Variants in SPAG16 observed in about 807,000 individuals in gnomAD.
SPAG16 encodes sperm-associated antigen 16 protein.
SPAG16 carries 86 observed loss-of-function variants against 80.4 expected under a neutral mutation model. That is an observed-to-expected ratio of 1.07 (90% CI 0.90 to 1.28). The LOEUF (loss-of-function observed/expected upper bound fraction) is 1.28, where lower values mean the gene tolerates loss of function less well. Ranked by LOEUF, SPAG16 falls within the 50% of genes most tolerant of loss-of-function variation. The probability of loss-of-function intolerance (pLI) is 0.00; values close to 1 mark genes in which losing one functional copy is unlikely to be tolerated. For synonymous variants in SPAG16, 294 were observed against 265.9 expected, an observed-to-expected ratio of 1.11 and a Z score of -1.03; for missense variants, 870 against 765.3, an observed-to-expected ratio of 1.14 and a Z score of -1.61.
intron 10 of SPAG16, among the ~76,000 whole-genome samples, chr2:213,648,732 A>G (rs911848836): frequency 6.6e-6 from 1 of 152,150 alleles, no homozygotes; most frequent in Non-Finnish European, 1.5e-5. Context: ...TAAACCCACA[A>G]ACTATAAGCA....
intron 9 of SPAG16, among the ~76,000 whole-genome samples, chr2:213,488,652 T>A (rs755823254): frequency 4.6e-5 from 7 of 152,036 alleles, no homozygotes; most frequent in Non-Finnish European, 7.4e-5. Flanking sequence ...TGGAAAAAAA[T>A]TAAGTAATTA....
At chr2:213,974,150 T>C (rs192960409) in intron 12 of SPAG16, among the ~76,000 whole-genome samples, 10 of 152,208 alleles carry the variant, frequency 6.6e-5, no homozygotes, top group Non-Finnish European at 1.5e-4. Context: ...TTGTAGAGTT[T>C]TGGTGGAAGA....
Position 214,297,033 on chromosome 2 carries a change from A to G in SPAG16, c.1721-113107A>G, listed in dbSNP as rs1576709381. Among the ~76,000 whole-genome samples the G allele has an allele frequency of 1.3e-5, 2 of 152,292 alleles. 1 individual carries two copies. Among genetic ancestry groups the G allele is most frequent in the East Asian group, 3.9e-4 (2 of 5,184 alleles). On this transcript the variant is annotated intron_variant, in intron 15 of 15. Transcript: ENST00000331683. ...CTCACCAGAAGCAGATGCCAGCACT[A>G]TGGTTCATGTATACCCAGCAGAACC...
chr2:213,866,545 T>C (rs181720189), intron 11 of SPAG16, among the ~76,000 whole-genome samples: 12 of 146,218 alleles, frequency 8.2e-5, no homozygotes, highest in Non-Finnish European at 1.5e-4. Context: ...TATTGTTAGG[T>C]CCCATGTGTT....
chr2:213,930,307 A>G (rs1033563873), intron 12 of SPAG16, among the ~76,000 whole-genome samples, 162 bp downstream of exon 12: 3 of 152,184 alleles, frequency 2.0e-5, no homozygotes, highest in Non-Finnish European at 2.9e-5. Flanking sequence ...AATCTTTGTG[A>G]AATCCATTTC....
intron 15 of SPAG16, among the ~76,000 whole-genome samples, chr2:214,231,457 C>G (rs1048539166): frequency 6.6e-6 from 1 of 151,848 alleles, no homozygotes; most frequent in Non-Finnish European, 1.5e-5. Context: ...GAATAGACTA[C>G]AGTTAAATAA....
chr2:214,260,998 T>C (rs985465828), intron 15 of SPAG16, among the ~76,000 whole-genome samples: 1 of 150,940 alleles, frequency 6.6e-6, no homozygotes, highest in Non-Finnish European at 1.5e-5. Context: ...TGCAAGCTAC[T>C]CAGGAGGCTG....
intron 10 of SPAG16, among the ~76,000 whole-genome samples, chr2:213,797,051 T>A (rs2071085971): frequency 1.3e-5 from 2 of 149,092 alleles, no homozygotes; most frequent in Non-Finnish European, 3.0e-5. Context: ...AAATTAAAAT[T>A]AAAAAAAAAA....
chr2:214,343,525 A>AATCT (rs1477398764), intron 15 of SPAG16, among the ~76,000 whole-genome samples: 1 of 152,148 alleles, frequency 6.6e-6, no homozygotes, highest in Admixed American at 6.6e-5. Flanking sequence ...CAAATCCTGA[A>AATCT]ATGTTTATAT....
At chr2:214,197,826 A>G (rs903112163) in intron 15 of SPAG16, among the ~76,000 whole-genome samples, 2 of 151,762 alleles carry the variant, frequency 1.3e-5, no homozygotes, top group Non-Finnish European at 2.9e-5. Flanking sequence ...TTAACCTATT[A>G]ATAAAGTGAA....
chr2:213,533,841 G>T (rs901328159), intron 10 of SPAG16, among the ~76,000 whole-genome samples: 4 of 151,998 alleles, frequency 2.6e-5, no homozygotes, highest in African/African-American at 9.7e-5. Context: ...GCATAAACAT[G>T]CATGATATTA....
intron 10 of SPAG16, among the ~76,000 whole-genome samples, chr2:213,677,259 A>C (rs1163013996): frequency 6.6e-6 from 1 of 152,156 alleles, no homozygotes; most frequent in East Asian, 1.9e-4. Context: ...TCAAATTCAC[A>C]CATAACAATA....
chr2:214,288,800 G>T (rs939795273), intron 15 of SPAG16, among the ~76,000 whole-genome samples: 27 of 62,116 alleles, frequency 4.3e-4, no homozygotes, highest in African/African-American at 1.4e-3. Flanking sequence ...ACGTTGTCTC[G>T]CTCTGTCACC....
At chr2:213,873,402 T>C (rs1179463381) in intron 11 of SPAG16, among the ~76,000 whole-genome samples, 1 of 151,982 alleles carries the variant, frequency 6.6e-6, no homozygotes, top group Admixed American at 6.6e-5. Context: ...TCTATTTTTT[T>C]GTTGCTCAGT....
intron 14 of SPAG16, among the ~76,000 whole-genome samples, chr2:214,123,317 C>T (rs1408771470): frequency 2.0e-5 from 3 of 151,884 alleles, no homozygotes; most frequent in Non-Finnish European, 2.9e-5. Flanking sequence ...TCATTTCATA[C>T]ATTTGTCATT....
intron 15 of SPAG16, among the ~76,000 whole-genome samples, chr2:214,337,606 C>T (rs1697388227): frequency 6.6e-6 from 1 of 152,072 alleles, no homozygotes. Flanking sequence ...ACAATAAAAC[C>T]AACAGACCTC....
intron 11 of SPAG16, among the ~76,000 whole-genome samples, chr2:213,916,670 C>A (rs1240850765): frequency 6.6e-6 from 1 of 152,150 alleles, no homozygotes; most frequent in Non-Finnish European, 1.5e-5. Flanking sequence ...CTGCTCCCCC[C>A]ATGACACATG....
intron 15 of SPAG16, among the ~76,000 whole-genome samples, chr2:214,275,012 GGTT>G (rs1451749541): frequency 1.3e-5 from 2 of 151,994 alleles, no homozygotes; most frequent in Non-Finnish European, 2.9e-5. Context: ...ACTTCTTCCT[GGTT>G]TAGTGTTGGG....
rs570188574 is a variant in SPAG16, at chr2:213,545,953, G to A, written c.1070+55863G>A. Among the ~76,000 whole-genome samples, 31 of 152,206 alleles carry A rather than the reference G, an allele frequency of 2.0e-4. 1 individual carries two copies. The South Asian group carries it at 6.2e-3, about 31-fold the overall frequency. On this transcript the variant is annotated intron_variant, in intron 10 of 15. Coordinates refer to ENST00000331683, the MANE Select transcript of SPAG16 (RefSeq NM_024532.5). ...GGTGACCCAAAGCTGATTAGCAGAGGACTTGGGGGGAAGGTCACTACTCTT... is the reference window on the plus strand; with the variant it reads ...GGTGACCCAAAGCTGATTAGCAGAGAACTTGGGGGGAAGGTCACTACTCTT...
Sources: gnomAD v4.1 joint callset for allele counts (sites outside exome capture counted in the v4.1 genomes callset) on GRCh38, gnomAD v4.1.1 for gene constraint, MANE v1.5 for transcripts, NCBI Gene and HGNC (gene_info 2026-07-23, HGNC 2026-07-21) for gene names.